The following DLG2 variants were observed in gnomAD, a reference collection of about 807,000 sequenced individuals.
DLG2 encodes disks large homolog 2.
In DLG2, 45 loss-of-function variants were observed where a neutral mutation model predicts 132.5. The ratio of observed to expected loss-of-function variants is 0.34; its 90% CI spans 0.27 to 0.44. The LOEUF (loss-of-function observed/expected upper bound fraction) is 0.44. DLG2 is among the 20% of genes least tolerant of loss of function. The probability of loss-of-function intolerance (pLI) is 1.00; values close to 1 mark genes in which losing one functional copy is unlikely to be tolerated. For missense variants in DLG2, 1,045 were observed against 1,196.9 expected (o/e 0.87, Z 1.87); for synonymous variants, 424 against 419.6 (o/e 1.01, Z -0.13).
chr11:84,426,782 T>C (rs781560858), intron 7 of DLG2, among the ~76,000 whole-genome samples: 3 of 152,116 alleles, frequency 2.0e-5, no homozygotes, highest in Non-Finnish European at 2.9e-5. Context: ...CAGCACATAA[T>C]ACTTCCTTTC....
intron 11 of DLG2, among the ~76,000 whole-genome samples, chr11:84,004,465 C>T (rs556126813): frequency 6.6e-6 from 1 of 152,106 alleles, no homozygotes; most frequent in South Asian, 2.1e-4. Context: ...ATATGACTAA[C>T]ACACAGCTAA....
chr11:84,757,869 TA>T (rs2153837977), intron 6 of DLG2, among the ~76,000 whole-genome samples: 1 of 152,272 alleles, frequency 6.6e-6, no homozygotes, highest in South Asian at 2.1e-4. Flanking sequence ...AATCACCTGG[TA>T]AAGTCGGCAA....
intron 7 of DLG2, among the ~76,000 whole-genome samples, chr11:84,351,381 A>G (rs2098569213): frequency 6.6e-6 from 1 of 152,106 alleles, no homozygotes. Context: ...CATTATATTC[A>G]TATTTATAAA....
chr11:83,866,571 G>A (rs1349082554), intron 16 of DLG2, among the ~76,000 whole-genome samples: 1 of 152,054 alleles, frequency 6.6e-6, no homozygotes, highest in Non-Finnish European at 1.5e-5. Flanking sequence ...TGGATATTCT[G>A]CAGCACGCTG....
intron 6 of DLG2, among the ~76,000 whole-genome samples, chr11:84,599,100 C>T (rs895633990): frequency 6.6e-6 from 1 of 152,060 alleles, no homozygotes; most frequent in Non-Finnish European, 1.5e-5. Context: ...CAAAATTTAG[C>T]CGGGCATGAT....
At position 83,698,916 on chromosome 11, in the gene DLG2, C is replaced by G. The variant is rs534188811; in HGVS notation, c.1826-65591G>C. ...AGGCAGAGGGCTGCTAAATGACAGC[C>G]AAAAATATCAGTAGCTTTTGCTGCA... On this transcript the variant is annotated intron_variant, in intron 18 of 27. Coordinates refer to ENST00000376104, the MANE Select transcript of DLG2 (RefSeq NM_001142699.3). Among the ~76,000 whole-genome samples, 3 of 152,154 alleles carry G rather than the reference C, an allele frequency of 2.0e-5. No homozygotes were observed. The East Asian group carries it at 5.8e-4, about 29-fold the overall frequency.
chr11:84,502,884 A>C (rs545102511), intron 7 of DLG2, among the ~76,000 whole-genome samples: 1 of 152,364 alleles, frequency 6.6e-6, no homozygotes, highest in Non-Finnish European at 1.5e-5. Context: ...TGGACAATAA[A>C]GTAAATGCAT....
intron 7 of DLG2, among the ~76,000 whole-genome samples, chr11:84,364,812 T>C (rs1475648015): frequency 3.3e-5 from 5 of 152,178 alleles, no homozygotes; most frequent in African/African-American, 1.2e-4. Flanking sequence ...CTGGATTACA[T>C]TTATTGATTT....
intron 26 of DLG2, among the ~76,000 whole-genome samples, chr11:83,463,939 T>C (rs1333678330): frequency 6.6e-6 from 1 of 152,258 alleles, no homozygotes; most frequent in African/African-American, 2.4e-5. Flanking sequence ...TCTCCTTGAC[T>C]GATCAGTAAT....
chr11:83,598,792 ATAATT>A (rs1170372090), intron 19 of DLG2, among the ~76,000 whole-genome samples: 3 of 152,256 alleles, frequency 2.0e-5, no homozygotes, highest in African/African-American at 7.2e-5. Context: ...TATACTGAAC[ATAATT>A]TAAATTCTTC....
intron 3 of DLG2, among the ~76,000 whole-genome samples, chr11:85,291,072 T>G (rs71482578): frequency 2.6e-5 from 4 of 152,246 alleles, no homozygotes; most frequent in African/African-American, 9.6e-5. Flanking sequence ...TTTGATGAGA[T>G]TTTTAAGGTC....
At chr11:85,540,393 A>G (rs970364254) in intron 3 of DLG2, among the ~76,000 whole-genome samples, 7 of 152,204 alleles carry the variant, frequency 4.6e-5, no homozygotes, top group African/African-American at 7.2e-5. Context: ...CTGACAGGCC[A>G]TCAATGGTGG....
intron 18 of DLG2, among the ~76,000 whole-genome samples, chr11:83,771,374 T>A (rs2094386107): frequency 6.6e-6 from 1 of 152,214 alleles, no homozygotes; most frequent in Non-Finnish European, 1.5e-5. Context: ...TTCTTTTTTG[T>A]AGGAAATTCA....
At chr11:84,687,208 TG>T (rs2099738953) in intron 6 of DLG2, 1 of 152,144 alleles carries the variant, frequency 6.6e-6, no homozygotes, top group Non-Finnish European at 1.5e-5. Flanking sequence ...CAGACATACT[TG>T]GTCCAAATTC....
At chr11:83,525,976 G>C (rs894875407) in intron 21 of DLG2, among the ~76,000 whole-genome samples, 1 of 121,392 alleles carries the variant, frequency 8.2e-6, no homozygotes, top group Non-Finnish European at 1.9e-5. Flanking sequence ...CTAGAGAAAT[G>C]AGTCTCAGTT....
intron 22 of DLG2, 26 bp downstream of exon 22, chr11:83,484,103 G>A: frequency 6.3e-7 from 1 of 1,585,594 alleles, no homozygotes; most frequent in Non-Finnish European, 8.7e-7. Context: ...TGTTGCATGT[G>A]ACATTATCTT....
At chr11:83,646,331 T>G (rs1041031102) in intron 18 of DLG2, among the ~76,000 whole-genome samples, 4 of 150,688 alleles carry the variant, frequency 2.7e-5, no homozygotes, top group African/African-American at 1.0e-4. Flanking sequence ...TCTCTCCCTC[T>G]ATTTAATAGG....
chr11:85,502,406 G>C (rs148551057), intron 3 of DLG2, among the ~76,000 whole-genome samples: 23 of 151,148 alleles, frequency 1.5e-4, no homozygotes, highest in African/African-American at 4.9e-4. Context: ...ATGTAACCCA[G>C]AACTTAAAGT....
chr11:84,816,804 T>A (rs1028716230), intron 6 of DLG2, among the ~76,000 whole-genome samples: 1 of 151,978 alleles, frequency 6.6e-6, no homozygotes, highest in Admixed American at 6.6e-5. Context: ...ACATGAAATC[T>A]CTGTGTAAAC....
Sources: allele counts gnomAD v4.1 joint callset (sites outside exome capture counted in the v4.1 genomes callset), GRCh38; gene constraint gnomAD v4.1.1; transcripts MANE v1.5; gene names NCBI Gene and HGNC (gene_info 2026-07-23, HGNC 2026-07-21).